The following NNT variants were observed in gnomAD, a reference collection of about 807,000 sequenced individuals.
NNT encodes NAD(P) transhydrogenase, mitochondrial.
A neutral mutation model predicts 104.8 loss-of-function variants in NNT; 50 were observed. That is an observed-to-expected ratio of 0.48 (90% CI 0.38 to 0.60). The LOEUF (loss-of-function observed/expected upper bound fraction) is 0.60. NNT is among the 20% of genes least tolerant of loss of function. The probability of loss-of-function intolerance (pLI) is 0.00; values close to 1 mark genes in which losing one functional copy is unlikely to be tolerated. For synonymous variants in NNT, 461 were observed against 490.4 expected (o/e 0.94, Z 0.79); for missense variants, 1,131 against 1,330.7 (o/e 0.85, Z 2.33).
chr5:43,666,449 A>T (rs1474908307), intron 17 of NNT, among the ~76,000 whole-genome samples: 1 of 152,180 alleles, frequency 6.6e-6, no homozygotes, highest in East Asian at 1.9e-4. Flanking sequence ...AAAACCAGTC[A>T]GGCGTGGCAG....
intron 5 of NNT, among the ~76,000 whole-genome samples, chr5:43,622,985 C>T (rs1470190943): frequency 6.6e-6 from 1 of 150,392 alleles, no homozygotes; most frequent in Non-Finnish European, 1.5e-5. Context: ...GGTGATGGAG[C>T]TTCTGTGTGG....
chr5:43,603,331 G>C (rs977646806), intron 1 of NNT, 37 bp downstream of exon 1: 1 of 152,936 alleles, frequency 6.5e-6, no homozygotes, highest in African/African-American at 2.4e-5. Flanking sequence ...GGGCAGCCGG[G>C]GCGCGCGCCT....
intron 15 of NNT, 45 bp downstream of exon 15, chr5:43,656,118 G>A (rs1561295701): frequency 6.8e-7 from 1 of 1,474,864 alleles, no homozygotes; most frequent in Non-Finnish European, 9.5e-7. Context: ...TACTGTTTAG[G>A]GCATTTAGGG....
At chr5:43,632,932 A>G (rs1048449139) in intron 7 of NNT, among the ~76,000 whole-genome samples, 9 of 152,140 alleles carry the variant, frequency 5.9e-5, no homozygotes, top group Admixed American at 3.3e-4. Flanking sequence ...GGAGGGGAGT[A>G]TGGTGTGGGG....
chr5:43,624,483 G>T (rs573085796), intron 6 of NNT, among the ~76,000 whole-genome samples: 1 of 152,298 alleles, frequency 6.6e-6, no homozygotes, highest in African/African-American at 2.4e-5. Context: ...TGAGTTGGGG[G>T]CATGCCCTAC....
intron 4 of NNT, 121 bp downstream of exon 4, chr5:43,616,186 T>G: frequency 1.3e-6 from 1 of 785,066 alleles, no homozygotes; most frequent in Non-Finnish European, 2.0e-6. Context: ...TACAGCCTTT[T>G]GAGAGTGCAT....
Position 43,651,774 on chromosome 5 carries a change from T to A in NNT, c.1753T>A (p.Phe585Ile). Residue 585 changes from phenylalanine (F) to isoleucine (I), a missense_variant, in exon 13 of 22, where the codon TTC (phenylalanine) becomes ATC (isoleucine). By Grantham distance (21) the Phe-to-Ile change is conservative (BLOSUM62 0). Coordinates refer to ENST00000344920, the MANE Select transcript of NNT (RefSeq NM_182977.3). ...FLVTQRMLDM[F>I]KRPTDPPEYN... ...GGTGACTCAGAGAATGCTGGACATG[T>A]TCAAGCGTCCCACTGACCCCCCAGA... 6.2e-7 allele frequency: 1 copy of A among 1,614,104 alleles called. No homozygotes were observed. The highest frequency in any genetic ancestry group is 8.5e-7 in the Non-Finnish European group (1 of 1,180,008).
chr5:43,681,280 AGAAAG>A (rs1409106916), intron 19 of NNT, among the ~76,000 whole-genome samples: 2 of 150,488 alleles, frequency 1.3e-5, no homozygotes, highest in Non-Finnish European at 3.0e-5. Context: ...AAAAAAAAAA[AGAAAG>A]GGGTAGAATT....
intron 18 of NNT, among the ~76,000 whole-genome samples, chr5:43,677,102 G>A (rs1741453519): frequency 6.6e-6 from 1 of 151,826 alleles, no homozygotes; most frequent in Non-Finnish European, 1.5e-5. Context: ...TTCTTTTTTT[G>A]AGACATTAAA....
intron 17 of NNT, chr5:43,667,282 A>G (rs1740760896): frequency 1.4e-6 from 1 of 693,964 alleles, no homozygotes; most frequent in Non-Finnish European, 2.5e-6. Flanking sequence ...CCTATTTTTT[A>G]TTATTATACT....
intron 20 of NNT, 87 bp downstream of exon 20, chr5:43,700,324 G>T: frequency 1.1e-6 from 1 of 877,280 alleles, no homozygotes; most frequent in Non-Finnish European, 1.8e-6. Context: ...TAGATTCAGT[G>T]AAGACTGACT....
At chr5:43,621,007 A>G (rs16873404) in intron 5 of NNT, among the ~76,000 whole-genome samples, 5,130 of 152,368 alleles carry the variant, frequency 0.034, 131 homozygotes, top group East Asian at 0.12. Flanking sequence ...TTTAAATTGC[A>G]GCTTAAGGGA....
At chr5:43,639,399 A>G (rs575754684) in intron 7 of NNT, among the ~76,000 whole-genome samples, 1 of 152,288 alleles carries the variant, frequency 6.6e-6, no homozygotes, top group African/African-American at 2.4e-5. Flanking sequence ...CATGGTGCAC[A>G]TGGAGATTCA....
At chr5:43,652,216 C>G (rs1739804822) in intron 13 of NNT, among the ~76,000 whole-genome samples, 1 of 152,124 alleles carries the variant, frequency 6.6e-6, no homozygotes, top group Non-Finnish European at 1.5e-5. Context: ...TATAATGAAA[C>G]AATACAAAAT....
chr5:43,698,912 A>T (rs527441124), intron 19 of NNT, among the ~76,000 whole-genome samples: 4 of 151,062 alleles, frequency 2.6e-5, no homozygotes, highest in African/African-American at 7.3e-5. Flanking sequence ...ATATATATAT[A>T]TATGTAGTCT....
At chr5:43,666,516 G>T (rs989177930) in intron 17 of NNT, among the ~76,000 whole-genome samples, 30 of 152,000 alleles carry the variant, frequency 2.0e-4, no homozygotes, top group African/African-American at 7.2e-4. Context: ...CAGGCAGGGA[G>T]GTTGCAGTGA....
chr5:43,667,032 T>G, intron 17 of NNT: 1 of 1,596,812 alleles, frequency 6.3e-7, no homozygotes, highest in East Asian at 2.2e-5. Context: ...CCTGGGCACG[T>G]GCACTCATGG....
At chr5:43,612,512 G>T (rs1438970942) in intron 2 of NNT, among the ~76,000 whole-genome samples, 3 of 152,156 alleles carry the variant, frequency 2.0e-5, no homozygotes, top group Non-Finnish European at 4.4e-5. Flanking sequence ...CTTCAAAATA[G>T]CTAATTACTT....
intron 1 of NNT, among the ~76,000 whole-genome samples, chr5:43,606,996 T>C (rs1305064485): frequency 1.4e-4 from 6 of 42,512 alleles, no homozygotes; most frequent in African/African-American, 5.9e-4. Context: ...TGTTTTTTTG[T>C]TTTTTTTTTG....
Sources: allele counts gnomAD v4.1 joint callset (sites outside exome capture counted in the v4.1 genomes callset), GRCh38; gene constraint gnomAD v4.1.1; transcripts MANE v1.5; gene names NCBI Gene and HGNC (gene_info 2026-07-23, HGNC 2026-07-21).